DAB1: variants seen among roughly 807,000 people sequenced by gnomAD.
DAB1 encodes the protein disabled homolog 1.
A neutral mutation model predicts 64.6 loss-of-function variants in DAB1; 15 were observed. The observed-to-expected ratio is 0.23, with a 90% CI of 0.16 to 0.36. The LOEUF is 0.36. DAB1 is among the 10% of genes least tolerant of loss of function. The pLI is 1.00. For synonymous variants in DAB1, 235 were observed against 251.9 expected (o/e 0.93, Z 0.64); for missense variants, 596 against 706.7 (o/e 0.84, Z 1.78).
At chr1:57,357,427 C>G (rs1447209977) in intron 1 of DAB1, among the ~76,000 whole-genome samples, 3 of 151,748 alleles carry the variant, frequency 2.0e-5, no homozygotes, top group Non-Finnish European at 4.4e-5. Flanking sequence ...TGGTGCTTTA[C>G]CAACCCCATA....
intron 5 of DAB1, among the ~76,000 whole-genome samples, chr1:57,949,162 A>G (rs1456065977): frequency 6.7e-6 from 1 of 149,618 alleles, no homozygotes; most frequent in African/African-American, 2.4e-5. Flanking sequence ...CAATATTTCC[A>G]TGGGGGGGGC....
chr1:58,020,534 C>T (rs866841342), intron 5 of DAB1, among the ~76,000 whole-genome samples: 10 of 152,160 alleles, frequency 6.6e-5, no homozygotes, highest in Non-Finnish European at 1.2e-4. Flanking sequence ...AGCTATTTCT[C>T]CAACAAATGG....
At chr1:57,560,891 G>A (rs1645042671) in intron 7 of DAB1, among the ~76,000 whole-genome samples, 1 of 152,114 alleles carries the variant, frequency 6.6e-6, no homozygotes, top group Non-Finnish European at 1.5e-5. Flanking sequence ...GCCTGTTACT[G>A]GGCTTTGGTG....
At chr1:57,570,020 T>C (rs1242600390) in intron 7 of DAB1, among the ~76,000 whole-genome samples, 1 of 152,164 alleles carries the variant, frequency 6.6e-6, no homozygotes, top group Non-Finnish European at 1.5e-5. Flanking sequence ...ATGGTAATAC[T>C]GAGTTGAGTG....
chr1:57,469,680 CA>C (rs923363415), intron 7 of DAB1, among the ~76,000 whole-genome samples: 5 of 152,126 alleles, frequency 3.3e-5, no homozygotes, highest in Non-Finnish European at 7.3e-5. Flanking sequence ...TCATTTGAAC[CA>C]CCTAGATTGA....
intron 7 of DAB1, among the ~76,000 whole-genome samples, chr1:57,491,376 C>T (rs953463963): frequency 9.2e-5 from 14 of 151,830 alleles, no homozygotes; most frequent in Non-Finnish European, 1.8e-4. Context: ...TGCAGTGAGC[C>T]GAGATTGCGC....
At chr1:58,311,259 C>T (rs1662422966) in intron 4 of DAB1, among the ~76,000 whole-genome samples, 1 of 152,168 alleles carries the variant, frequency 6.6e-6, no homozygotes, top group Admixed American at 6.5e-5. Context: ...GCTGTCTTTG[C>T]TTTATTCAAA....
chr1:58,372,758 A>G (rs1024239391), intron 3 of DAB1, among the ~76,000 whole-genome samples: 1 of 152,112 alleles, frequency 6.6e-6, no homozygotes, highest in African/African-American at 2.4e-5. Context: ...ATGAGATCTG[A>G]TGCTTTAAAA....
chr1:58,507,965 A>G (rs914244945), intron 2 of DAB1, among the ~76,000 whole-genome samples: 2 of 152,232 alleles, frequency 1.3e-5, no homozygotes, highest in African/African-American at 4.8e-5. Context: ...TCTAACATGA[A>G]GTTTGTCTGC....
intron 5 of DAB1, among the ~76,000 whole-genome samples, chr1:58,072,935 T>C (rs964496383): frequency 1.3e-5 from 2 of 152,216 alleles, no homozygotes; most frequent in African/African-American, 2.4e-5. Flanking sequence ...TAATAATTGC[T>C]AACACTTTTA....
intron 1 of DAB1, among the ~76,000 whole-genome samples, chr1:57,836,919 G>A (rs746932837): frequency 3.9e-5 from 6 of 152,230 alleles, no homozygotes; most frequent in Admixed American, 1.3e-4. Flanking sequence ...TGCTCTCAGC[G>A]TCTCCATCTC....
At chr1:58,332,750 G>A (rs979792076) in intron 4 of DAB1, among the ~76,000 whole-genome samples, 10 of 152,066 alleles carry the variant, frequency 6.6e-5, no homozygotes, top group African/African-American at 2.4e-4. Flanking sequence ...AAGAAAAACT[G>A]GCCACAGGAC....
chr1:57,840,186 A>G (rs1416153946), intron 1 of DAB1, among the ~76,000 whole-genome samples: 1 of 152,218 alleles, frequency 6.6e-6, no homozygotes, highest in African/African-American at 2.4e-5. Context: ...GAAGCCACAT[A>G]GAAATGTTAG....
At chr1:57,058,707 T>C (rs527651532) in intron 9 of DAB1, among the ~76,000 whole-genome samples, 5 of 152,302 alleles carry the variant, frequency 3.3e-5, no homozygotes, top group African/African-American at 7.2e-5. Context: ...CACCATTACA[T>C]AGCTGAGAAG....
intron 5 of DAB1, among the ~76,000 whole-genome samples, chr1:57,920,818 A>T (rs974894079): frequency 2.0e-5 from 3 of 152,206 alleles, no homozygotes; most frequent in Non-Finnish European, 4.4e-5. Context: ...TCTCCCTGAC[A>T]GGTACCACTT....
At chr1:58,359,492 A>C (rs961820090) in intron 3 of DAB1, among the ~76,000 whole-genome samples, 1 of 152,196 alleles carries the variant, frequency 6.6e-6, no homozygotes, top group African/African-American at 2.4e-5. Context: ...GCATTGCCTC[A>C]TTCTGGAACA....
At chr1:57,568,811 C>A (rs1645155666) in intron 7 of DAB1, among the ~76,000 whole-genome samples, 2 of 152,008 alleles carry the variant, frequency 1.3e-5, no homozygotes, top group Admixed American at 1.3e-4. Flanking sequence ...GAAATAGGAA[C>A]ACTTTTACAC....
chr1:57,145,567 T>C (rs879868310), intron 2 of DAB1, 138 bp from the exon 3 acceptor site: 67 of 794,736 alleles, frequency 8.4e-5, no homozygotes, highest in Non-Finnish European at 1.3e-4. Context: ...GAGAAAAGAA[T>C]AGCAGTATTC....
In DAB1 at chr1:57,841,642, C is replaced by T. The variant is rs535079534; in HGVS notation, n.88-15187G>A. Among the ~76,000 whole-genome samples, 24 of 152,368 alleles carry T rather than the reference C, an allele frequency of 1.6e-4. No homozygotes were observed. In the East Asian group the frequency reaches 3.5e-3, roughly 22 times the overall value. The stretch of plus-strand genomic sequence containing the variant: ...TCTGAATCAATGGCCTGAGCTGTAC[C>T]TTGGCCCCTTTTAGCCACAGCTGGA... On this transcript the variant is annotated intron_variant and non_coding_transcript_variant, in intron 1 of 1. Transcript: ENST00000477280.
Sources: allele counts gnomAD v4.1 joint callset (sites outside exome capture counted in the v4.1 genomes callset), GRCh38; gene constraint gnomAD v4.1.1; transcripts MANE v1.5; gene names NCBI Gene and HGNC (gene_info 2026-07-23, HGNC 2026-07-21).